Variants in UBE2E2 observed in about 807,000 individuals in gnomAD.
UBE2E2 encodes ubiquitin conjugating enzyme E2 E2.
A neutral mutation model predicts 24.7 loss-of-function variants in UBE2E2; 6 were observed. That is an observed-to-expected ratio of 0.24 (90% CI 0.13 to 0.48). The LOEUF is 0.48. UBE2E2 is among the 20% of genes least tolerant of loss of function. The pLI, the probability that UBE2E2 is intolerant of heterozygous loss-of-function variation, is 0.99. For synonymous variants in UBE2E2, 104 were observed against 83.6 expected, an observed-to-expected ratio of 1.24 and a Z score of -1.33; for missense variants, 169 against 245.0, an observed-to-expected ratio of 0.69 and a Z score of 2.07.
Position 23,413,650 on chromosome 3 carries a change from A to G in UBE2E2, c.228-85958A>G, listed in dbSNP as rs186080642. On this transcript the variant is annotated intron_variant, in intron 3 of 5. Coordinates refer to ENST00000396703, the MANE Select transcript of UBE2E2 (RefSeq NM_152653.4). ...AGCTTAGACATCACTTTCTTGAAGTAAATTTCCCTTACCTTCTCTGTGTTC... is the reference window on the plus strand; with the variant it reads ...AGCTTAGACATCACTTTCTTGAAGTGAATTTCCCTTACCTTCTCTGTGTTC... 1.8e-3 allele frequency among the ~76,000 whole-genome samples: 280 copies of G among 152,318 alleles called. 1 individual carries two copies. The highest frequency in any genetic ancestry group is 4.1e-3 in the Admixed American group (63 of 15,294).
chr3:23,386,182 CA>C (rs1696800089), intron 3 of UBE2E2, among the ~76,000 whole-genome samples: 1 of 152,182 alleles, frequency 6.6e-6, no homozygotes, highest in South Asian at 2.1e-4. Context: ...TTATAAACAA[CA>C]GAAATTTCTT....
chr3:23,547,216 CAAT>C (rs1559417788), intron 5 of UBE2E2, among the ~76,000 whole-genome samples: 1 of 152,200 alleles, frequency 6.6e-6, no homozygotes, highest in Non-Finnish European at 1.5e-5. Context: ...CTCGTTCCAA[CAAT>C]AAGACATTTT....
intron 3 of UBE2E2, among the ~76,000 whole-genome samples, chr3:23,339,904 T>C (rs1028539115): frequency 2.0e-5 from 3 of 152,142 alleles, no homozygotes; most frequent in Admixed American, 6.6e-5. Flanking sequence ...TTTTAGTTTA[T>C]TTTTAATTGT....
chr3:23,408,576 A>T (rs1697423691), intron 3 of UBE2E2, among the ~76,000 whole-genome samples: 1 of 152,148 alleles, frequency 6.6e-6, no homozygotes, highest in African/African-American at 2.4e-5. Context: ...GGAGGTCATA[A>T]ATCTTCTTGC....
At chr3:23,211,645 C>G (rs549085535) in intron 2 of UBE2E2, among the ~76,000 whole-genome samples, 205 of 152,184 alleles carry the variant, frequency 1.3e-3, no homozygotes, top group African/African-American at 4.7e-3. Flanking sequence ...ATCCTCCTGC[C>G]TTGGTCTCTC....
intron 3 of UBE2E2, among the ~76,000 whole-genome samples, chr3:23,288,728 T>C (rs1169725859): frequency 6.6e-6 from 1 of 152,222 alleles, no homozygotes; most frequent in Non-Finnish European, 1.5e-5. Flanking sequence ...GCTCATGCTT[T>C]TTAGCTGGTA....
chr3:23,342,408 T>C lies in UBE2E2; in HGVS notation c.227+125096T>C, dbSNP rs533291330. On this transcript the variant is annotated intron_variant, in intron 3 of 5. Coordinates refer to ENST00000396703, the MANE Select transcript of UBE2E2 (RefSeq NM_152653.4). ...CAGGACCTTAGCTTATTTGATTGCA[T>C]AGTTTATTTAGCACAGGAGGGGATA... 2.6e-5 allele frequency among the ~76,000 whole-genome samples: 4 copies of C among 152,294 alleles called. No homozygotes were observed. In the South Asian group the frequency reaches 8.3e-4, roughly 32 times the overall value.
intron 3 of UBE2E2, among the ~76,000 whole-genome samples, chr3:23,458,174 A>G (rs755546362): frequency 6.6e-6 from 1 of 151,978 alleles, no homozygotes; most frequent in Non-Finnish European, 1.5e-5. Flanking sequence ...TCTTCCTTTC[A>G]TTTGAACACT....
At chr3:23,353,522 A>T (rs13098798) in intron 3 of UBE2E2, among the ~76,000 whole-genome samples, 3 of 152,196 alleles carry the variant, frequency 2.0e-5, no homozygotes, top group African/African-American at 7.2e-5. Context: ...TAAGCTGATA[A>T]GCAACTTCAG....
intron 3 of UBE2E2, 25 bp from the exon 4 acceptor site, chr3:23,499,583 A>G (rs779913722): frequency 1.3e-6 from 2 of 1,598,088 alleles, no homozygotes; most frequent in Non-Finnish European, 1.7e-6. Flanking sequence ...TTCTAAGCAC[A>G]TTTCATTTGT....
chr3:23,549,780 C>T (rs1244454040), intron 5 of UBE2E2, among the ~76,000 whole-genome samples: 3 of 152,096 alleles, frequency 2.0e-5, no homozygotes, highest in African/African-American at 7.2e-5. Flanking sequence ...CACCTGTAAT[C>T]CCGGCACTTT....
At chr3:23,314,299 T>A (rs970754056) in intron 3 of UBE2E2, among the ~76,000 whole-genome samples, 3 of 152,122 alleles carry the variant, frequency 2.0e-5, no homozygotes, top group Non-Finnish European at 4.4e-5. Flanking sequence ...TGGCTAACTT[T>A]TATATTTTTT....
chr3:23,551,744 C>T (rs1363731933), intron 5 of UBE2E2, among the ~76,000 whole-genome samples: 2 of 152,064 alleles, frequency 1.3e-5, no homozygotes, highest in African/African-American at 2.4e-5. Context: ...TGGGAGATGA[C>T]GATAGGGATG....
chr3:23,481,615 G>T (rs17013333), intron 3 of UBE2E2, among the ~76,000 whole-genome samples: 4,398 of 152,268 alleles, frequency 0.029, 109 homozygotes, highest in East Asian at 0.13. Flanking sequence ...CTCTGTTTGT[G>T]TCTTACAGCA....
At chr3:23,229,190 A>G (rs1230649759) in intron 3 of UBE2E2, among the ~76,000 whole-genome samples, 4 of 152,204 alleles carry the variant, frequency 2.6e-5, no homozygotes, top group African/African-American at 4.8e-5. Context: ...CAGCTATTGA[A>G]TGTTTCCAGT....
chr3:23,568,910 G>A (rs1458148488), intron 5 of UBE2E2, among the ~76,000 whole-genome samples: 1 of 151,538 alleles, frequency 6.6e-6, no homozygotes, highest in African/African-American at 2.4e-5. Context: ...CATCTGCCTT[G>A]GACAGCACTT....
intron 3 of UBE2E2, among the ~76,000 whole-genome samples, chr3:23,439,011 TG>T (rs1698239945): frequency 6.6e-6 from 1 of 152,234 alleles, no homozygotes; most frequent in South Asian, 2.1e-4. Context: ...GCATGAATAT[TG>T]TTAGATTTGC....
intron 5 of UBE2E2, among the ~76,000 whole-genome samples, chr3:23,582,125 A>C (rs1456451398): frequency 1.3e-5 from 2 of 152,238 alleles, no homozygotes; most frequent in Non-Finnish European, 1.5e-5. Flanking sequence ...CTGAATGTTT[A>C]GCTCCCACTT....
At chr3:23,215,170 T>A (rs568860310) in intron 2 of UBE2E2, among the ~76,000 whole-genome samples, 1 of 152,176 alleles carries the variant, frequency 6.6e-6, no homozygotes, top group African/African-American at 2.4e-5. Context: ...GGGGATAATA[T>A]CTTCTCCATC....
Sources: gnomAD v4.1 joint callset for allele counts (sites outside exome capture counted in the v4.1 genomes callset) on GRCh38, gnomAD v4.1.1 for gene constraint, MANE v1.5 for transcripts, NCBI Gene and HGNC (gene_info 2026-07-23, HGNC 2026-07-21) for gene names.